The following MRAP2 variants were observed in gnomAD, a reference collection of about 807,000 sequenced individuals.
MRAP2 encodes melanocortin 2 receptor accessory protein 2.
In MRAP2, 20 loss-of-function variants were observed where a neutral mutation model predicts 17.4. The ratio of observed to expected loss-of-function variants is 1.15; its 90% CI spans 0.81 to 1.67. MRAP2 has a LOEUF of 1.67. Among genes scored for constraint, MRAP2 ranks in the 40% most tolerant of loss-of-function variants. The pLI is 0.00. For synonymous variants in MRAP2, 96 were observed against 88.4 expected (o/e 1.09, Z -0.48); for missense variants, 238 against 240.0 (o/e 0.99, Z 0.05).
intron 3 of MRAP2, among the ~76,000 whole-genome samples, chr6:84,063,917 C>T (rs2099493816): frequency 1.3e-5 from 2 of 151,840 alleles, no homozygotes; most frequent in African/African-American, 4.8e-5. Context: ...TGGTGGAGGG[C>T]ACCTATAGTC....
intron 3 of MRAP2, among the ~76,000 whole-genome samples, chr6:84,086,502 C>T (rs997031904): frequency 6.6e-6 from 1 of 152,186 alleles, no homozygotes; most frequent in Non-Finnish European, 1.5e-5. Context: ...ATTCTGACAA[C>T]TTTCACAACA....
the MRAP2 span, among the ~76,000 whole-genome samples, chr6:84,106,182 A>T: frequency 6.6e-6 from 1 of 152,196 alleles, no homozygotes; most frequent in African/African-American, 2.4e-5. Flanking sequence ...AGTGAATTCC[A>T]TGAACATTAG....
intron 3 of MRAP2, among the ~76,000 whole-genome samples, chr6:84,064,703 G>T (rs2099494165): frequency 6.6e-6 from 1 of 152,264 alleles, no homozygotes; most frequent in East Asian, 1.9e-4. Flanking sequence ...TAGCCAGGAT[G>T]GTCTCGATCT....
intron 3 of MRAP2, among the ~76,000 whole-genome samples, chr6:84,064,153 T>C (rs540429404): frequency 2.2e-4 from 33 of 151,138 alleles, no homozygotes; most frequent in African/African-American, 8.0e-4. Flanking sequence ...CTGGCAACAC[T>C]GAGGAGCAGC....
At chr6:84,033,280 G>T (rs182204094), upstream of MRAP2, among the ~76,000 whole-genome samples, 23 of 152,114 alleles carry the variant, frequency 1.5e-4, no homozygotes, top group African/African-American at 4.8e-4. Flanking sequence ...AACTACTCCC[G>T]GCCCAGTGCT....
At chr6:84,099,441 C>T in the MRAP2 span, among the ~76,000 whole-genome samples, 4 of 152,062 alleles carry the variant, frequency 2.6e-5, no homozygotes, top group Non-Finnish European at 5.9e-5. Flanking sequence ...TGGATATTTG[C>T]CCCCTCCAAA....
intron 1 of MRAP2, among the ~76,000 whole-genome samples, chr6:84,050,560 C>T (rs1160098795): frequency 6.6e-6 from 1 of 152,216 alleles, no homozygotes; most frequent in Non-Finnish European, 1.5e-5. Flanking sequence ...CCACCTTGGG[C>T]TCATCAGCCA....
the MRAP2 span, among the ~76,000 whole-genome samples, chr6:84,098,492 G>A: frequency 6.6e-6 from 1 of 152,110 alleles, no homozygotes; most frequent in African/African-American, 2.4e-5. Flanking sequence ...TCCTAGAAGA[G>A]GAATGTCTGG....
upstream of MRAP2, chr6:84,033,658 C>T (rs970593671): frequency 3.1e-6 from 3 of 980,818 alleles, no homozygotes; most frequent in Non-Finnish European, 3.6e-6. Flanking sequence ...GCTGGGGAGG[C>T]GGCTCTCGCG....
chr6:84,065,029 A>G (rs894126642), intron 3 of MRAP2, among the ~76,000 whole-genome samples: 6 of 152,222 alleles, frequency 3.9e-5, no homozygotes, highest in African/African-American at 9.6e-5. Context: ...TCATGCCCGT[A>G]ATCCCAACAG....
chr6:84,089,433 T>A lies in MRAP2; in HGVS notation c.570T>A (p.Val190=), dbSNP rs1473585776. 1 of 1,614,014 alleles carries A rather than the reference T, an allele frequency of 6.2e-7. No individual in the cohort carries two copies. Among genetic ancestry groups the A allele is most frequent in the Admixed American group, 1.7e-5 (1 of 60,018 alleles). Reference sequence around the variant, plus strand: ...TTCTGATTTCTGAACCACCTATTGTTCTGGAAACTAAGCCACTTTCCCAGA... The same window carrying A: ...TTCTGATTTCTGAACCACCTATTGTACTGGAAACTAAGCCACTTTCCCAGA... ...DDLLISEPPI[V]LETKPLSQTS... Residue 190 remains valine, a synonymous_variant, in exon 4 of 4, where the codon GTT becomes GTA. Coordinates refer to ENST00000257776, the MANE Select transcript of MRAP2 (RefSeq NM_138409.4).
At chr6:84,076,473 C>A (rs1205618058) in intron 3 of MRAP2, among the ~76,000 whole-genome samples, 3 of 152,130 alleles carry the variant, frequency 2.0e-5, no homozygotes, top group Non-Finnish European at 2.9e-5. Context: ...ATCCACCTAC[C>A]TCTGCCTCCC....
the MRAP2 span, among the ~76,000 whole-genome samples, chr6:84,140,671 G>A: frequency 9.2e-5 from 14 of 151,874 alleles, no homozygotes; most frequent in Non-Finnish European, 1.0e-4. Flanking sequence ...GACTACAGGC[G>A]CATGTTACTG....
At chr6:84,057,851 TGCCATCGAAA>T (rs2099492092) in intron 2 of MRAP2, among the ~76,000 whole-genome samples, 1 of 152,128 alleles carries the variant, frequency 6.6e-6, no homozygotes, top group Non-Finnish European at 1.5e-5. Flanking sequence ...AGTATAGAAT[TGCCATCGAAA>T]GCCTTACTGA....
the MRAP2 span, among the ~76,000 whole-genome samples, chr6:84,099,889 T>C: frequency 1.3e-5 from 2 of 151,816 alleles, no homozygotes; most frequent in African/African-American, 4.8e-5. Context: ...TTGAGACAGA[T>C]TCTTGCTCTG....
At chr6:84,049,746 G>T (rs2480186) in intron 1 of MRAP2, among the ~76,000 whole-genome samples, 50,233 of 151,970 alleles carry the variant, frequency 0.33, 13,120 homozygotes, top group African/African-American at 0.73. Flanking sequence ...GAACACTTTT[G>T]GTTAGCTGTC....
chr6:84,043,492 C>T (rs1440141559), intron 1 of MRAP2, among the ~76,000 whole-genome samples: 1 of 152,202 alleles, frequency 6.6e-6, no homozygotes, highest in Non-Finnish European at 1.5e-5. Context: ...GTCCAGCTTG[C>T]AGGTGGAACT....
chr6:84,088,922 A>G (rs942739376), intron 3 of MRAP2, among the ~76,000 whole-genome samples, 169 bp from the exon 4 acceptor site: 7 of 152,116 alleles, frequency 4.6e-5, no homozygotes, highest in Admixed American at 1.3e-4. Flanking sequence ...GTACATACTC[A>G]GAAGGGATTT....
chr6:84,054,996 C>A (rs73483217), intron 1 of MRAP2, among the ~76,000 whole-genome samples: 350 of 152,332 alleles, frequency 2.3e-3, no homozygotes, highest in African/African-American at 7.7e-3. Flanking sequence ...TTTTGACATA[C>A]TCTTTCCCTC....
Sources: gnomAD v4.1 joint callset for allele counts (sites outside exome capture counted in the v4.1 genomes callset) on GRCh38, gnomAD v4.1.1 for gene constraint, MANE v1.5 for transcripts, NCBI Gene and HGNC (gene_info 2026-07-23, HGNC 2026-07-21) for gene names.